The following USP16 variants were observed in gnomAD, a reference collection of about 807,000 sequenced individuals.
USP16 encodes ubiquitin specific peptidase 16.
Under a neutral mutation model 95.9 loss-of-function variants are expected in USP16, and 77 were observed. That is an observed-to-expected ratio of 0.80 (90% CI 0.67 to 0.97). The LOEUF (loss-of-function observed/expected upper bound fraction) is 0.97. Among genes scored for constraint, USP16 ranks in the 50% least tolerant of loss-of-function variants. The probability of loss-of-function intolerance (pLI) is 0.00; values close to 1 mark genes in which losing one functional copy is unlikely to be tolerated. For synonymous variants in USP16, 303 were observed against 318.2 expected, an observed-to-expected ratio of 0.95 and a Z score of 0.51; for missense variants, 943 against 959.9, an observed-to-expected ratio of 0.98 and a Z score of 0.23.
rs1049214435 is a variant in USP16 at position 29,043,261 on chromosome 21, T to C, written c.1180-162T>C. The C allele has an allele frequency of 5.4e-5, 24 of 443,320 alleles. No homozygotes were observed. In the Admixed American group the frequency reaches 9.1e-4, roughly 17 times the overall value. The allele number at this position is 443,320 out of a possible 1,614,324, so 27.5% of individuals were successfully genotyped here. ...TCATTATGTGAAGATTGCTTTCTAG[T>C]GTATGAGATAAACGAATTTTGTCTC... On this transcript the variant is annotated intron_variant, in intron 12 of 17. Coordinates refer to ENST00000399976, the MANE Select transcript of USP16 (RefSeq NM_006447.3).
At chr21:29,026,959 G>A (rs2085002002) in intron 1 of USP16, among the ~76,000 whole-genome samples, 1 of 152,096 alleles carries the variant, frequency 6.6e-6, no homozygotes, top group Non-Finnish European at 1.5e-5. Flanking sequence ...TGTGGTCCAG[G>A]AAACTGTTAA....
At chr21:29,025,751 T>G in intron 1 of USP16, 1 of 983,944 alleles carries the variant, frequency 1.0e-6, no homozygotes. Flanking sequence ...TTGCACCTTG[T>G]AATCATCCTT....
intron 15 of USP16, 102 bp from the exon 16 acceptor site, chr21:29,049,990 C>A: frequency 1.0e-6 from 1 of 984,758 alleles, no homozygotes; most frequent in Non-Finnish European, 1.5e-6. Context: ...TGAACTAGGA[C>A]TTAATGTTGA....
intron 9 of USP16, 47 bp from the exon 10 acceptor site, chr21:29,040,562 A>G: frequency 1.2e-6 from 1 of 801,420 alleles, no homozygotes; most frequent in Non-Finnish European, 1.7e-6. Context: ...AAGGAAAATA[A>G]AATTTAAAAT....
intron 13 of USP16, among the ~76,000 whole-genome samples, chr21:29,045,184 G>A (rs2146389407): frequency 6.6e-6 from 1 of 152,016 alleles, no homozygotes. Context: ...TTTTATTCAT[G>A]TGTTCCTCTG....
Position 29,034,887 on chromosome 21 carries a change from G to T in USP16, c.291G>T (p.Thr97=), listed in dbSNP as rs61735763. ...QEQHALKHYL[T]PRSEPHCLVL... ...AGCATGCCTTGAAGCACTATCTGAC[G>T]CCAAGATCTGAACCTCACTGTCTGG... The change falls in exon 4 of 18, where the codon ACG becomes ACT. Residue 97 remains threonine, a synonymous_variant. Transcript: ENST00000399976. 9.9e-6 allele frequency: 16 copies of T among 1,613,898 alleles called. No individual in the cohort carries two copies. The African/African-American group carries it at 1.7e-4, about 18-fold the overall frequency.
At chr21:29,035,007 A>C (rs1309169732) in intron 4 of USP16, 67 bp downstream of exon 4, 1 of 1,458,074 alleles carries the variant, frequency 6.9e-7, no homozygotes, top group African/African-American at 1.4e-5. Flanking sequence ...GAAATGTTTA[A>C]ATATGTTTAA....
Position 29,039,584 on chromosome 21 carries a change from C to G in USP16, c.951+16C>G. ...AGAACACCAAGTTAGCATGTTATGA[C>G]CATTGTATTTTATGATCTTATCTTC... On this transcript the variant is annotated intron_variant, in intron 9 of 17. Transcript: ENST00000399976. 6.2e-7 allele frequency: 1 copy of G among 1,605,250 alleles called. No homozygotes were observed. The highest frequency in any genetic ancestry group is 8.5e-7 in the Non-Finnish European group (1 of 1,173,608).
At chr21:29,037,234 G>T in intron 5 of USP16, 42 bp from the exon 6 acceptor site, 2 of 1,267,694 alleles carry the variant, frequency 1.6e-6, no homozygotes, top group South Asian at 3.2e-5. Context: ...CATTCGATAT[G>T]ACTGTATTAC....
Position 29,053,974 on chromosome 21 carries a change from A to G in USP16, c.2350+16A>G. ...ATTCCACAAGGTAAGATGTCTTGGAAAATTCAGGCACTCAGCAGATTACGG... is the reference window on the plus strand; with the variant it reads ...ATTCCACAAGGTAAGATGTCTTGGAGAATTCAGGCACTCAGCAGATTACGG... On this transcript the variant is annotated intron_variant, in intron 17 of 17. Coordinates refer to ENST00000399976, the MANE Select transcript of USP16 (RefSeq NM_006447.3). 6.2e-7 allele frequency: 1 copy of G among 1,613,754 alleles called. No homozygotes were observed. Among genetic ancestry groups the G allele is most frequent in the African/African-American group, 1.3e-5 (1 of 75,058 alleles).
chr21:29,039,700 C>T, intron 9 of USP16, 132 bp downstream of exon 9: 1 of 728,086 alleles, frequency 1.4e-6, no homozygotes, highest in Non-Finnish European at 2.1e-6. Flanking sequence ...TTTCTTACAC[C>T]AGCTTTTTCA....
intron 2 of USP16, 149 bp downstream of exon 2, chr21:29,028,123 CTTT>C (rs35801969): frequency 8.0e-4 from 343 of 429,378 alleles, no homozygotes; most frequent in East Asian, 1.6e-3. Context: ...TAGTCTTCTA[CTTT>C]TTTTTTTTTT....
chr21:29,043,721 A>G (rs1000493625), intron 13 of USP16, 122 bp downstream of exon 13: 97 of 936,796 alleles, frequency 1.0e-4, no homozygotes, highest in East Asian at 2.8e-4. Context: ...TCATTTGACA[A>G]TTACAGAATT....
At chr21:29,048,231 C>T (rs569351519) in intron 14 of USP16, among the ~76,000 whole-genome samples, 17 of 151,900 alleles carry the variant, frequency 1.1e-4, no homozygotes, top group South Asian at 2.1e-4. Context: ...TACAGGCACC[C>T]GCCACCACAC....
At chr21:29,031,368 A>G (rs1312378803) in intron 3 of USP16, among the ~76,000 whole-genome samples, 3 of 152,170 alleles carry the variant, frequency 2.0e-5, no homozygotes, top group Non-Finnish European at 4.4e-5. Context: ...AGTTAAGCTT[A>G]TATGTTAGGA....
intron 14 of USP16, among the ~76,000 whole-genome samples, chr21:29,048,228 A>ACCCG (rs1334323953): frequency 2.0e-5 from 3 of 151,746 alleles, no homozygotes; most frequent in Non-Finnish European, 4.4e-5. Context: ...GACTACAGGC[A>ACCCG]CCCGCCACCA....
chr21:29,038,551 A>G (rs959965864), intron 7 of USP16, 121 bp downstream of exon 7: 4 of 759,898 alleles, frequency 5.3e-6, no homozygotes, highest in South Asian at 1.8e-5. Context: ...ACTTTAGGCT[A>G]CTAACTTAAA....
intron 1 of USP16, among the ~76,000 whole-genome samples, chr21:29,025,922 C>T (rs2084979928): frequency 6.6e-6 from 1 of 152,134 alleles, no homozygotes; most frequent in Admixed American, 6.5e-5. Context: ...ACAGAAATAA[C>T]ATAAACCCAG....
rs2085461839 is a variant in USP16 at position 29,054,250 on chromosome 21, T to G, written c.*63T>G. The G allele has an allele frequency of 1.3e-6, 2 of 1,532,818 alleles. No individual in the cohort carries two copies. Among genetic ancestry groups the G allele is most frequent in the East Asian group, 4.6e-5 (2 of 43,948 alleles). The allele number at this position is 1,532,818 out of a possible 1,614,324, so 95.0% of individuals were successfully genotyped here. A position where few individuals can be genotyped will look rare whatever the true frequency, so the allele number is the denominator to read the frequency against. On this transcript the variant is annotated 3_prime_UTR_variant, in exon 18 of 18. Transcript: ENST00000399976. Reference sequence around the variant, plus strand: ...GCTTTTATAATGGCTGAAATAACGATAAAAAAAGACTAATTAAAATCATGT... The same window carrying G: ...GCTTTTATAATGGCTGAAATAACGAGAAAAAAAGACTAATTAAAATCATGT...
Sources: gnomAD v4.1 joint callset for allele counts (sites outside exome capture counted in the v4.1 genomes callset) on GRCh38, gnomAD v4.1.1 for gene constraint, MANE v1.5 for transcripts, NCBI Gene and HGNC (gene_info 2026-07-23, HGNC 2026-07-21) for gene names.